FSTL4: variants seen among roughly 807,000 people sequenced by gnomAD.
The protein encoded by FSTL4 is follistatin-related protein 4.
In FSTL4, 28 loss-of-function variants were observed where a neutral mutation model predicts 78.2. The ratio of observed to expected loss-of-function variants is 0.36; its 90% CI spans 0.27 to 0.49. The LOEUF (loss-of-function observed/expected upper bound fraction) is 0.49, where lower values mean the gene tolerates loss of function less well. Ranked by LOEUF, FSTL4 falls within the 20% of genes least tolerant of loss-of-function variation. The probability of loss-of-function intolerance (pLI) is 0.98; values close to 1 mark genes in which losing one functional copy is unlikely to be tolerated. For synonymous variants in FSTL4, 422 were observed against 440.5 expected (o/e 0.96, Z 0.53); for missense variants, 922 against 1,084.9 (o/e 0.85, Z 2.11).
intron 3 of FSTL4, among the ~76,000 whole-genome samples, chr5:133,562,922 T>C (rs1240385947): frequency 6.6e-6 from 1 of 152,160 alleles, no homozygotes; most frequent in Non-Finnish European, 1.5e-5. Flanking sequence ...CAATCAGCAT[T>C]GGCCCTCACA....
At chr5:133,730,883 C>T in the FSTL4 span, among the ~76,000 whole-genome samples, 1 of 152,186 alleles carries the variant, frequency 6.6e-6, no homozygotes, top group African/African-American at 2.4e-5. Context: ...AGAAATACAA[C>T]CAAGAATGGG....
the FSTL4 span, among the ~76,000 whole-genome samples, chr5:133,788,354 C>T: frequency 3.3e-5 from 5 of 152,244 alleles, no homozygotes; most frequent in South Asian, 1.0e-3. Context: ...GGCTGCTCAG[C>T]AGCCGGTTGC....
At chr5:133,729,906 G>A in the FSTL4 span, among the ~76,000 whole-genome samples, 4 of 152,166 alleles carry the variant, frequency 2.6e-5, no homozygotes, top group Admixed American at 2.6e-4. Flanking sequence ...GGCAGGCTCA[G>A]TGGGAAGAGC....
chr5:133,595,962 G>A (rs34348062), intron 2 of FSTL4, among the ~76,000 whole-genome samples: 4 of 152,236 alleles, frequency 2.6e-5, no homozygotes, highest in South Asian at 2.1e-4. Flanking sequence ...GCACAGGCAA[G>A]AGGCAAAGTG....
At chr5:133,227,397 A>G (rs1379476413) in intron 8 of FSTL4, among the ~76,000 whole-genome samples, 1 of 152,204 alleles carries the variant, frequency 6.6e-6, no homozygotes, top group Middle Eastern at 3.2e-3. Context: ...AAGAGGAAAG[A>G]AGGAAACTTC....
At chr5:133,223,391 G>A (rs1751217706) in intron 11 of FSTL4, among the ~76,000 whole-genome samples, 3 of 152,202 alleles carry the variant, frequency 2.0e-5, no homozygotes, top group Admixed American at 2.0e-4. Context: ...AAATGAGATG[G>A]GAAATGTCTT....
the FSTL4 span, among the ~76,000 whole-genome samples, chr5:133,773,247 T>G: frequency 6.6e-6 from 1 of 150,618 alleles, no homozygotes; most frequent in African/African-American, 2.5e-5. Flanking sequence ...ACAAAATAAG[T>G]TCATATGACC....
chr5:133,253,479 C>A (rs111237121), intron 6 of FSTL4, among the ~76,000 whole-genome samples: 8 of 152,328 alleles, frequency 5.3e-5, no homozygotes, highest in Admixed American at 2.0e-4. Context: ...CCCCTGGAGA[C>A]CCCCTGAGTC....
the FSTL4 span, among the ~76,000 whole-genome samples, chr5:133,706,582 A>G: frequency 7.9e-5 from 12 of 152,184 alleles, no homozygotes; most frequent in African/African-American, 2.7e-4. Context: ...GTACTGGGAA[A>G]TTTCATAAAT....
chr5:133,509,609 G>A (rs1223099292), intron 3 of FSTL4, among the ~76,000 whole-genome samples: 2 of 152,210 alleles, frequency 1.3e-5, no homozygotes, highest in African/African-American at 4.8e-5. Flanking sequence ...CCAGGAGTAT[G>A]GCTGTTGGAG....
rs530865973 is a variant in FSTL4 at position 133,611,118 on chromosome 5, T to C, written c.-11+1207A>G. Among the ~76,000 whole-genome samples, 23 of 152,124 alleles carry C rather than the reference T, an allele frequency of 1.5e-4. No individual in the cohort carries two copies. In the East Asian group the frequency reaches 4.1e-3, roughly 27 times the overall value. Reference sequence around the variant, plus strand: ...ACACCTAGAGGGGAGCGGCGGGCTGTGGCCGCGCCATTCATCAGTGTCGGC... The same window carrying C: ...ACACCTAGAGGGGAGCGGCGGGCTGCGGCCGCGCCATTCATCAGTGTCGGC... On this transcript the variant is annotated intron_variant, in intron 1 of 15. Coordinates refer to ENST00000265342, the MANE Select transcript of FSTL4 (RefSeq NM_015082.2). This position sits in a 1 kb window ranked among gnomAD's most constrained non-coding sequence, Gnocchi z 4.9.
At chr5:133,754,577 T>C in the FSTL4 span, among the ~76,000 whole-genome samples, 1 of 152,212 alleles carries the variant, frequency 6.6e-6, no homozygotes, top group Admixed American at 6.5e-5. Context: ...GTATTACAAA[T>C]AAGTTTACTA....
intron 3 of FSTL4, among the ~76,000 whole-genome samples, chr5:133,456,236 C>T (rs1228773953): frequency 6.6e-6 from 1 of 152,230 alleles, no homozygotes; most frequent in Non-Finnish European, 1.5e-5. Flanking sequence ...CATGCACATA[C>T]ACACACCCTA....
At chr5:133,656,590 GTC>G in the FSTL4 span, among the ~76,000 whole-genome samples, 1 of 152,140 alleles carries the variant, frequency 6.6e-6, no homozygotes, top group Non-Finnish European at 1.5e-5. Flanking sequence ...CACACGTCAA[GTC>G]TCACAGGAGA....
At chr5:133,360,716 T>C (rs965306795) in intron 4 of FSTL4, among the ~76,000 whole-genome samples, 2 of 152,212 alleles carry the variant, frequency 1.3e-5, no homozygotes, top group East Asian at 3.8e-4. Context: ...AGAAGGGCTA[T>C]GTTTTCAACG....
At chr5:133,698,410 A>G in the FSTL4 span, among the ~76,000 whole-genome samples, 2 of 152,228 alleles carry the variant, frequency 1.3e-5, no homozygotes, top group East Asian at 1.9e-4. Flanking sequence ...ACCTGAGTCC[A>G]AATCCCAACT....
chr5:133,425,193 A>G (rs1756785370), intron 3 of FSTL4, among the ~76,000 whole-genome samples: 1 of 151,910 alleles, frequency 6.6e-6, no homozygotes, highest in Admixed American at 6.6e-5. Context: ...TAGTTTGTAA[A>G]TCTTTTTAAC....
At chr5:133,605,401 T>C (rs1760956357) in intron 1 of FSTL4, among the ~76,000 whole-genome samples, 1 of 152,162 alleles carries the variant, frequency 6.6e-6, no homozygotes, top group African/African-American at 2.4e-5. Context: ...AGTGGGTGCT[T>C]GAGGGACCTG....
the FSTL4 span, among the ~76,000 whole-genome samples, chr5:133,728,216 AT>A: frequency 6.6e-6 from 1 of 152,388 alleles, no homozygotes; most frequent in East Asian, 1.9e-4. Context: ...TCACTAGCAC[AT>A]AGCAGATTCT....
Sources: gnomAD v4.1 joint callset for allele counts (sites outside exome capture counted in the v4.1 genomes callset) on GRCh38, gnomAD v4.1.1 for gene constraint, Gnocchi (gnomAD v3.1) non-coding constraint, MANE v1.5 for transcripts, NCBI Gene and HGNC (gene_info 2026-07-23, HGNC 2026-07-21) for gene names.